STON2: variants seen among roughly 807,000 people sequenced by gnomAD.
STON2 encodes stonin-2.
Under a neutral mutation model 65.7 loss-of-function variants are expected in STON2, and 29 were observed. The ratio of observed to expected loss-of-function variants is 0.44; its 90% CI spans 0.33 to 0.60. The LOEUF (loss-of-function observed/expected upper bound fraction) is 0.60, where lower values mean the gene tolerates loss of function less well. Ranked by LOEUF, STON2 falls within the 20% of genes least tolerant of loss-of-function variation. The pLI is 0.03. For missense variants in STON2, 1,054 were observed against 1,118.1 expected, an observed-to-expected ratio of 0.94 and a Z score of 0.82; for synonymous variants, 404 against 414.2, an observed-to-expected ratio of 0.98 and a Z score of 0.30.
intron 2 of STON2, among the ~76,000 whole-genome samples, chr14:81,397,834 T>C (rs987925701): frequency 6.6e-6 from 1 of 152,120 alleles, no homozygotes; most frequent in Non-Finnish European, 1.5e-5. Context: ...GTGAGATAGG[T>C]ACTGATTATC....
At chr14:81,405,167 T>C (rs1180701347), upstream of STON2, among the ~76,000 whole-genome samples, 1 of 152,202 alleles carries the variant, frequency 6.6e-6, no homozygotes, top group Non-Finnish European at 1.5e-5. Context: ...TTTCTTCAAA[T>C]GTGTTTTTCT....
intron 5 of STON2, among the ~76,000 whole-genome samples, chr14:81,309,331 A>G (rs1242675467): frequency 3.3e-5 from 5 of 152,208 alleles, no homozygotes; most frequent in Non-Finnish European, 7.3e-5. Flanking sequence ...TATAAAGAAA[A>G]AAATTTAGTC....
At chr14:81,346,453 G>A (rs908854139) in intron 4 of STON2, among the ~76,000 whole-genome samples, 25 of 152,094 alleles carry the variant, frequency 1.6e-4, no homozygotes, top group African/African-American at 6.0e-4. Flanking sequence ...CATTAGCTTG[G>A]ACATTAGGAC....
chr14:81,354,014 G>A (rs1898125962), intron 4 of STON2, among the ~76,000 whole-genome samples: 1 of 152,222 alleles, frequency 6.6e-6, no homozygotes. Flanking sequence ...TATTTACACT[G>A]AGAAAAGCAG....
chr14:81,426,229 C>G (rs539289969), intron 2 of STON2, among the ~76,000 whole-genome samples: 1 of 152,340 alleles, frequency 6.6e-6, no homozygotes, highest in African/African-American at 2.4e-5. Flanking sequence ...CTAGTCTTAA[C>G]TCAGGCACCT....
intron 7 of STON2, chr14:81,270,183 G>A (rs1426031798): frequency 4.5e-6 from 2 of 445,464 alleles, no homozygotes; most frequent in Non-Finnish European, 5.9e-6. Flanking sequence ...ACCTCCCAGA[G>A]TCAAGTGATC....
intron 5 of STON2, among the ~76,000 whole-genome samples, chr14:81,298,416 G>GA (rs879902928): frequency 0.052 from 2,529 of 48,564 alleles, 69 homozygotes; most frequent in African/African-American, 0.11. Flanking sequence ...GCTTCAGATG[G>GA]GGGGGGGGAA....
At chr14:81,338,548 A>T (rs1897466114) in intron 4 of STON2, among the ~76,000 whole-genome samples, 1 of 152,166 alleles carries the variant, frequency 6.6e-6, no homozygotes, top group Non-Finnish European at 1.5e-5. Flanking sequence ...CTAGCAAATT[A>T]AACTTAAGGA....
At chr14:81,384,533 G>A (rs1899697695) in intron 3 of STON2, among the ~76,000 whole-genome samples, 1 of 152,148 alleles carries the variant, frequency 6.6e-6, no homozygotes, top group South Asian at 2.1e-4. Flanking sequence ...ATCGCGCCCA[G>A]CCCCTAACAC....
At chr14:81,396,688 G>C (rs1480223382) in intron 2 of STON2, among the ~76,000 whole-genome samples, 1 of 152,160 alleles carries the variant, frequency 6.6e-6, no homozygotes, top group East Asian at 1.9e-4. Flanking sequence ...ATGTAACCTA[G>C]AGGTTATTTC....
chr14:81,318,269 T>C (rs756931199), intron 5 of STON2, among the ~76,000 whole-genome samples: 6 of 152,148 alleles, frequency 3.9e-5, no homozygotes, highest in Non-Finnish European at 5.9e-5. Flanking sequence ...AGGCAGGAGT[T>C]TCTTTCCCTT....
chr14:81,351,187 T>TTTTC (rs1898010090), intron 4 of STON2, among the ~76,000 whole-genome samples: 1 of 151,288 alleles, frequency 6.6e-6, no homozygotes, highest in Non-Finnish European at 1.5e-5. Context: ...TCTTTTTTTT[T>TTTTC]TTTTTTTTCT....
intron 4 of STON2, among the ~76,000 whole-genome samples, chr14:81,340,289 G>A (rs562406906): frequency 1.3e-5 from 2 of 152,312 alleles, no homozygotes; most frequent in East Asian, 1.9e-4. Context: ...GGGTGCTTAG[G>A]GGTGGGGTGG....
chr14:81,265,037 A>G lies in STON2; in HGVS notation c.*3377T>C, dbSNP rs566587985. On this transcript the variant is annotated 3_prime_UTR_variant, in exon 8 of 8. Transcript: ENST00000614646. ...TACTGGTAAAATGAATTCATTTTTAATATTTTCACATTATTGATAACAAAG... is the reference window on the plus strand; with the variant it reads ...TACTGGTAAAATGAATTCATTTTTAGTATTTTCACATTATTGATAACAAAG... 9.2e-4 allele frequency: 900 copies of G among 980,216 alleles called. No homozygotes were observed. Among genetic ancestry groups the G allele is most frequent in the Non-Finnish European group, 1.0e-3 (843 of 825,284 alleles). 60.7% of individuals were successfully genotyped at this position (980,216 alleles called of 1,614,324 possible). A position where few individuals can be genotyped will look rare whatever the true frequency, so the allele number is the denominator to read the frequency against.
At chr14:81,347,357 C>T (rs1897847531) in intron 4 of STON2, among the ~76,000 whole-genome samples, 1 of 151,868 alleles carries the variant, frequency 6.6e-6, no homozygotes, top group Admixed American at 6.6e-5. Flanking sequence ...ACACATAAAA[C>T]CTACCAATAG....
chr14:81,410,836 A>C (rs1446029006), intron 2 of STON2, among the ~76,000 whole-genome samples: 1 of 152,234 alleles, frequency 6.6e-6, no homozygotes, highest in Non-Finnish European at 1.5e-5. Flanking sequence ...AAATCTTCGG[A>C]GTCTAGGCAA....
chr14:81,385,310 A>C (rs1899741523), intron 3 of STON2, among the ~76,000 whole-genome samples: 1 of 152,214 alleles, frequency 6.6e-6, no homozygotes, highest in African/African-American at 2.4e-5. Flanking sequence ...AGAACACTTC[A>C]CCATCCTCCG....
intron 5 of STON2, among the ~76,000 whole-genome samples, chr14:81,308,097 A>T (rs1225053739): frequency 6.6e-6 from 1 of 152,190 alleles, no homozygotes; most frequent in Non-Finnish European, 1.5e-5. Flanking sequence ...TTGTCTATTG[A>T]ATATAAATGG....
At chr14:81,410,278 CAAAAA>C (rs1161157573) in intron 2 of STON2, among the ~76,000 whole-genome samples, 191 of 45,748 alleles carry the variant, frequency 4.2e-3, no homozygotes, top group African/African-American at 0.011. Flanking sequence ...TAACTCTAAC[CAAAAA>C]AAAAAAAAAA....
Sources: gnomAD v4.1 joint callset for allele counts (sites outside exome capture counted in the v4.1 genomes callset) on GRCh38, gnomAD v4.1.1 for gene constraint, MANE v1.5 for transcripts, NCBI Gene and HGNC (gene_info 2026-07-23, HGNC 2026-07-21) for gene names.